TMEM235: variants seen among roughly 807,000 people sequenced by gnomAD.
The protein encoded by TMEM235 is transmembrane protein 235.
In TMEM235, 23 loss-of-function variants were observed where a neutral mutation model predicts 22.9. The ratio of observed to expected loss-of-function variants is 1.00; its 90% CI spans 0.72 to 1.42. The LOEUF (loss-of-function observed/expected upper bound fraction) is 1.42, where lower values mean the gene tolerates loss of function less well. Ranked by LOEUF, TMEM235 falls within the 40% of genes most tolerant of loss-of-function variation. TMEM235 has a pLI of 0.00. For synonymous variants in TMEM235, 137 were observed against 140.5 expected, an observed-to-expected ratio of 0.98 and a Z score of 0.17; for missense variants, 308 against 299.5, an observed-to-expected ratio of 1.03 and a Z score of -0.21.
intron 3 of TMEM235, 97 bp from the exon 3 acceptor site, chr17:78,234,496 C>T (rs2076620576): frequency 6.7e-7 from 1 of 1,501,102 alleles, no homozygotes; most frequent in South Asian, 1.2e-5. Context: ...AGCCGCTTTT[C>T]CTGAGAAGAC....
At chr17:78,235,599 G>GTTTTTT (rs71160277) in intron 4 of TMEM235, among the ~76,000 whole-genome samples, 4 of 118,804 alleles carry the variant, frequency 3.4e-5, no homozygotes, top group Non-Finnish European at 5.1e-5. Context: ...GTGCTACATA[G>GTTTTTT]TTTTTTTTTT....
rs55893266 is a variant in TMEM235 at position 78,238,550 on chromosome 17, C to CTGTGTGTGTGTG, written c.410-449_410-438dup. Reference sequence around the variant, plus strand: ...GCTGCTGCCAGCAGAGGCCATGGCTCTGTGTGTGTGTGTGTGTGTGTGTGT... The same window carrying CTGTGTGTGTGTG: ...GCTGCTGCCAGCAGAGGCCATGGCTCTGTGTGTGTGTGTGTGTGTGTGTGTGTGTGTGTGTGT... On this transcript the variant is annotated intron_variant, in intron 4 of 5. Coordinates refer to ENST00000421688, the Ensembl canonical transcript of TMEM235. This position sits in a 1 kb window ranked among gnomAD's most constrained non-coding sequence, Gnocchi z 4.3. 2.0e-3 allele frequency among the ~76,000 whole-genome samples: 275 copies of CTGTGTGTGTGTG among 138,324 alleles called. 3 individuals are homozygous for CTGTGTGTGTGTG. The highest frequency in any genetic ancestry group is 3.1e-3 in the Non-Finnish European group (198 of 63,854). The allele number at this position is 138,324 out of a possible 152,430, so 90.7% of individuals were successfully genotyped here. A position where few individuals can be genotyped will look rare whatever the true frequency, so the allele number is the denominator to read the frequency against.
rs369121426 is a variant in TMEM235, at chr17:78,235,290, C to CTTT, written c.409+572_409+574dup. ...GAAGAGAGTAGGGAGGTGTTACACA[C>CTTT]TTTTTTTTTTTTTTGAGATGGAGTT... On this transcript the variant is annotated intron_variant, in intron 4 of 5. Coordinates refer to ENST00000421688, the Ensembl canonical transcript of TMEM235. Among the ~76,000 whole-genome samples the CTTT allele has an allele frequency of 2.8e-3, 404 of 144,076 alleles. 1 individual carries two copies. Among genetic ancestry groups the CTTT allele is most frequent in the African/African-American group, 9.0e-3 (356 of 39,582 alleles). The allele number at this position is 144,076 out of a possible 152,430, so 94.5% of individuals were successfully genotyped here.
At chr17:78,236,617 C>T (rs537977907) in intron 4 of TMEM235, among the ~76,000 whole-genome samples, 27 of 152,346 alleles carry the variant, frequency 1.8e-4, no homozygotes, top group South Asian at 6.2e-4. Flanking sequence ...CTGGCTGTTG[C>T]GGAAGGTGGA....
At chr17:78,234,363 G>A in intron 3 of TMEM235, 1 of 732,004 alleles carries the variant, frequency 1.4e-6, no homozygotes, top group Non-Finnish European at 2.4e-6. Context: ...GGGGACATGT[G>A]AGGCCTGGGG....
At chr17:78,234,612 T>G (rs79885699) in exon 4 of TMEM235, 181,361 of 1,536,118 alleles carry the variant, frequency 0.12, 11,926 homozygotes, top group Middle Eastern at 0.17. Context: ...GTGCAGTCAT[T>G]GTGGTCCTGC....
At chr17:78,236,993 T>A (rs764407140) in intron 4 of TMEM235, among the ~76,000 whole-genome samples, 1 of 151,476 alleles carries the variant, frequency 6.6e-6, no homozygotes, top group South Asian at 2.1e-4. Flanking sequence ...GCGACTAGAG[T>A]GTAATTGGGT....
rs567486690 is a variant in TMEM235, at chr17:78,237,710, C to T, written c.410-1314C>T. Among the ~76,000 whole-genome samples, 196 of 152,198 alleles carry T rather than the reference C, an allele frequency of 1.3e-3. No individual in the cohort carries two copies. The highest frequency in any genetic ancestry group is 4.6e-3 in the African/African-American group (189 of 41,528). On this transcript the variant is annotated intron_variant, in intron 4 of 5. Coordinates refer to ENST00000421688, the Ensembl canonical transcript of TMEM235. This position sits in a 1 kb window ranked among gnomAD's most constrained non-coding sequence, Gnocchi z 4.7. The stretch of plus-strand genomic sequence containing the variant: ...GCCCCCGCTGCTGGGGGCTGACCCC[C>T]ACCCCTGCTTCTCCCAGGGACCGCT...
chr17:78,238,893 C>T lies in TMEM235; in HGVS notation c.410-131C>T, dbSNP rs374245067. Reference sequence around the variant, plus strand: ...GCAGGGCTAACCATGACAGGAAGGGCGGTGTGCTGCCTGCAGCTCTGCCTG... The same window carrying T: ...GCAGGGCTAACCATGACAGGAAGGGTGGTGTGCTGCCTGCAGCTCTGCCTG... On this transcript the variant is annotated intron_variant, in intron 4 of 5. Coordinates refer to ENST00000421688, the Ensembl canonical transcript of TMEM235. The surrounding 1 kb of genome is among the most constrained non-coding windows in gnomAD (Gnocchi z 4.3). 351 of 1,355,110 alleles carry T rather than the reference C, an allele frequency of 2.6e-4. 1 individual carries two copies. The highest frequency in any genetic ancestry group is 1.1e-3 in the African/African-American group (73 of 68,684). 83.9% of individuals were successfully genotyped at this position (1,355,110 alleles called of 1,614,324 possible). A position where few individuals can be genotyped will look rare whatever the true frequency, so the allele number is the denominator to read the frequency against.
At chr17:78,239,728 C>T (rs2076687451) in intron 5 of TMEM235, 52 bp from the exon 5 acceptor site, 1 of 1,508,988 alleles carries the variant, frequency 6.6e-7, no homozygotes, top group Non-Finnish European at 8.9e-7. Flanking sequence ...CCATGCTCCT[C>T]TCCAGCCCCG....
Position 78,237,882 on chromosome 17 carries a change from C to T in TMEM235, c.410-1142C>T, listed in dbSNP as rs554064956. ...CCACTCTCTGTCCCACTCTTCTTCC[C>T]AAGTTTGGTTCCCAGGAGGAATCAC... On this transcript the variant is annotated intron_variant, in intron 4 of 5. Coordinates refer to ENST00000421688, the Ensembl canonical transcript of TMEM235. This position sits in a 1 kb window ranked among gnomAD's most constrained non-coding sequence, Gnocchi z 4.7. Among the ~76,000 whole-genome samples the T allele has an allele frequency of 6.6e-6, 1 of 152,298 alleles. No homozygotes were observed. Among genetic ancestry groups the T allele is most frequent in the African/African-American group, 2.4e-5 (1 of 41,574 alleles).
At chr17:78,235,181 C>T (rs1230849926) in intron 4 of TMEM235, among the ~76,000 whole-genome samples, 1 of 152,200 alleles carries the variant, frequency 6.6e-6, no homozygotes, top group Admixed American at 6.6e-5. Context: ...TGATGCTTGG[C>T]TTCTGGGGAG....
chr17:78,237,675 C>T lies in TMEM235; in HGVS notation c.410-1349C>T, dbSNP rs527806780. Among the ~76,000 whole-genome samples the T allele has an allele frequency of 5.3e-5, 8 of 152,166 alleles. No homozygotes were observed. The highest frequency in any genetic ancestry group is 1.9e-4 in the East Asian group (1 of 5,162). ...ACAGGCAGAGACAGGCACCTCCTGCCGCACGGTCAGCCCCCGCTGCTGGGG... is the reference window on the plus strand; with the variant it reads ...ACAGGCAGAGACAGGCACCTCCTGCTGCACGGTCAGCCCCCGCTGCTGGGG... On this transcript the variant is annotated intron_variant, in intron 4 of 5. Transcript: ENST00000421688. This position sits in a 1 kb window ranked among gnomAD's most constrained non-coding sequence, Gnocchi z 4.7.
At position 78,239,381 on chromosome 17, in the gene TMEM235, C is replaced by T. The variant is rs2076684054; in HGVS notation, c.659+108C>T. 9 of 1,322,402 alleles carry T rather than the reference C, an allele frequency of 6.8e-6. 1 individual carries two copies. In the South Asian group the frequency reaches 1.3e-4, roughly 20 times the overall value. The allele number at this position is 1,322,402 out of a possible 1,614,324, so 81.9% of individuals were successfully genotyped here. On this transcript the variant is annotated intron_variant, in intron 5 of 5. Coordinates refer to ENST00000421688, the Ensembl canonical transcript of TMEM235. Reference sequence around the variant, plus strand: ...TCTCTGGGCCTCGCTGGGGTCCTGGCCAGGAAGGGGCTGGGGGTGACAAGG... The same window carrying T: ...TCTCTGGGCCTCGCTGGGGTCCTGGTCAGGAAGGGGCTGGGGGTGACAAGG...
exon 6 of TMEM235, chr17:78,239,845 C>T (rs752892259): frequency 3.9e-6 from 6 of 1,551,524 alleles, no homozygotes; most frequent in East Asian, 2.4e-5. Context: ...AGAGAGATGC[C>T]GTCTCAGGCC....
chr17:78,232,239 C>T, intron 2 of TMEM235, 26 bp downstream of exon 1: 2 of 1,428,828 alleles, frequency 1.4e-6, no homozygotes, highest in Non-Finnish European at 9.1e-7. Flanking sequence ...GCCGGCCCTC[C>T]TCCCTCCGCG....
At chr17:78,233,249 T>A (rs1339455556) in intron 2 of TMEM235, among the ~76,000 whole-genome samples, 2 of 152,212 alleles carry the variant, frequency 1.3e-5, no homozygotes, top group Non-Finnish European at 1.5e-5. Flanking sequence ...GAGCGAGGCT[T>A]CCCAGGAGCC....
Position 78,239,021 on chromosome 17 carries a change from C to A in TMEM235, c.410-3C>A, listed in dbSNP as rs959968246. ...GCAGCTGCCCTCCCCATCTCTCCCCCAGGTGTCCTGACACTGGCGGGGGTC... is the reference window on the plus strand; with the variant it reads ...GCAGCTGCCCTCCCCATCTCTCCCCAAGGTGTCCTGACACTGGCGGGGGTC... On this transcript the variant is annotated splice_polypyrimidine_tract_variant and splice_region_variant and intron_variant, in intron 4 of 5. Coordinates refer to ENST00000421688, the Ensembl canonical transcript of TMEM235. 3.9e-6 allele frequency: 6 copies of A among 1,537,728 alleles called. No homozygotes were observed. The highest frequency in any genetic ancestry group is 3.5e-6 in the Non-Finnish European group (4 of 1,143,312).
At chr17:78,240,340 T>G in exon 6 of TMEM235, 1 of 202,978 alleles carries the variant, frequency 4.9e-6, no homozygotes, top group Non-Finnish European at 1.0e-5. Flanking sequence ...GGGCCTGGAG[T>G]TTGGGATGCA....
Sources: gnomAD v4.1 joint callset for allele counts (sites outside exome capture counted in the v4.1 genomes callset) on GRCh38, gnomAD v4.1.1 for gene constraint, Gnocchi (gnomAD v3.1) non-coding constraint, MANE v1.5 for transcripts, NCBI Gene and HGNC (gene_info 2026-07-23, HGNC 2026-07-21) for gene names.